The following PALLD variants were observed in gnomAD, a reference collection of about 807,000 sequenced individuals.
The protein encoded by PALLD is palladin, cytoskeletal associated protein.
A neutral mutation model predicts 123.5 loss-of-function variants in PALLD; 61 were observed. The observed-to-expected ratio is 0.49, with a 90% confidence interval of 0.40 to 0.61. The LOEUF (loss-of-function observed/expected upper bound fraction) is 0.61. Among genes scored for constraint, PALLD ranks in the 20% least tolerant of loss-of-function variants. The pLI is 0.00. For missense variants in PALLD, 1,273 were observed against 1,377.0 expected, an observed-to-expected ratio of 0.92 and a Z score of 1.20; for synonymous variants, 465 against 496.4, an observed-to-expected ratio of 0.94 and a Z score of 0.84.
At chr4:168,502,337 C>T (rs907330975) in intron 1 of PALLD, among the ~76,000 whole-genome samples, 1 of 152,120 alleles carries the variant, frequency 6.6e-6, no homozygotes, top group African/African-American at 2.4e-5. Context: ...CAAATTTTTT[C>T]ATGAGAAACT....
chr4:168,536,684 A>G (rs946098432), intron 2 of PALLD: 3 of 152,192 alleles, frequency 2.0e-5, no homozygotes, highest in Admixed American at 1.3e-4. Context: ...CACTATCACG[A>G]GACCAGCATG....
intron 8 of PALLD, among the ~76,000 whole-genome samples, chr4:168,693,353 A>G (rs938871993): frequency 6.6e-6 from 1 of 152,202 alleles, no homozygotes; most frequent in African/African-American, 2.4e-5. Context: ...CTTCTAAACT[A>G]TAGTTTTGAT....
intron 2 of PALLD, among the ~76,000 whole-genome samples, chr4:168,598,085 A>AT (rs1317620094): frequency 1.3e-5 from 2 of 152,104 alleles, no homozygotes; most frequent in Non-Finnish European, 2.9e-5. Flanking sequence ...TTCAGAGTGA[A>AT]TTTTTTTAAC....
chr4:168,502,179 T>A (rs974860405), intron 1 of PALLD, among the ~76,000 whole-genome samples: 1 of 134,534 alleles, frequency 7.4e-6, no homozygotes, highest in Non-Finnish European at 1.5e-5. Flanking sequence ...GCAAAATAAA[T>A]TTTTTTTTTA....
rs747755592 is a variant in PALLD, at chr4:168,746,380, C to CAAAAAAAAAAAAA, written c.1964+34475_1964+34487dup. Among the ~76,000 whole-genome samples, 127 of 37,008 alleles carry CAAAAAAAAAAAAA rather than the reference C, an allele frequency of 3.4e-3. 18 individuals are homozygous for CAAAAAAAAAAAAA. The highest frequency in any genetic ancestry group is 5.0e-3 in the African/African-American group (65 of 12,922). 24.3% of individuals were successfully genotyped at this position (37,008 alleles called of 152,430 possible). A position where few individuals can be genotyped will look rare whatever the true frequency, so the allele number is the denominator to read the frequency against. Reference sequence around the variant, plus strand: ...TGGGCGACAGAGCGAGAACCCGTCTCAAAAAAAAAAAAAAAAAAAAAAAAA... The same window carrying CAAAAAAAAAAAAA: ...TGGGCGACAGAGCGAGAACCCGTCTCAAAAAAAAAAAAAAAAAAAAAAAAAAAAAAAAAAAAAA... On this transcript the variant is annotated intron_variant, in intron 10 of 21. Coordinates refer to ENST00000505667, the MANE Select transcript of PALLD (RefSeq NM_001166108.2).
chr4:168,659,336 A>G (rs774020978), intron 2 of PALLD, among the ~76,000 whole-genome samples: 19 of 152,158 alleles, frequency 1.2e-4, no homozygotes, highest in Non-Finnish European at 2.1e-4. Flanking sequence ...CTTTATTTTC[A>G]TTATTATACC....
chr4:168,891,676 T>C (rs1560867051), intron 11 of PALLD, among the ~76,000 whole-genome samples: 1 of 100,894 alleles, frequency 9.9e-6, no homozygotes, highest in Non-Finnish European at 2.3e-5. Context: ...GCAATGCCAA[T>C]GGTATTAAAA....
intron 10 of PALLD, among the ~76,000 whole-genome samples, chr4:168,797,844 T>C (rs759167997): frequency 2.3e-4 from 32 of 140,690 alleles, no homozygotes; most frequent in Non-Finnish European, 3.9e-4. Flanking sequence ...CCCACCACCA[T>C]ACAGCTGCTC....
At chr4:168,665,288 A>C (rs1317361795) in intron 2 of PALLD, among the ~76,000 whole-genome samples, 3 of 152,128 alleles carry the variant, frequency 2.0e-5, no homozygotes, top group African/African-American at 7.2e-5. Flanking sequence ...TTGGAATGTA[A>C]GTTTTTCCAG....
chr4:168,664,239 T>A (rs886315233), intron 2 of PALLD, among the ~76,000 whole-genome samples: 5 of 151,584 alleles, frequency 3.3e-5, no homozygotes, highest in African/African-American at 1.2e-4. Flanking sequence ...ATTTGTACTT[T>A]AAAAAAATAA....
intron 2 of PALLD, chr4:168,598,791 GGA>G: frequency 3.0e-6 from 1 of 329,616 alleles, no homozygotes; most frequent in Non-Finnish European, 6.2e-6. Context: ...TCCAAAGCAG[GGA>G]GGGTCCTCCA....
chr4:168,657,055 T>C (rs1321015037), intron 2 of PALLD, among the ~76,000 whole-genome samples: 1 of 152,154 alleles, frequency 6.6e-6, no homozygotes, highest in Non-Finnish European at 1.5e-5. Context: ...GTATGCTAGG[T>C]ATTAAATGTC....
At chr4:168,741,530 A>C (rs1788337714) in intron 10 of PALLD, among the ~76,000 whole-genome samples, 1 of 152,194 alleles carries the variant, frequency 6.6e-6, no homozygotes, top group Non-Finnish European at 1.5e-5. Context: ...TTTAAAAAAA[A>C]ATAAAAGTAG....
rs557594901 is a variant in PALLD, at chr4:168,747,835, G to T, written c.1964+35912G>T. 3.3e-5 allele frequency among the ~76,000 whole-genome samples: 5 copies of T among 152,258 alleles called. No homozygotes were observed. The East Asian group carries it at 9.7e-4, about 29-fold the overall frequency. On this transcript the variant is annotated intron_variant, in intron 10 of 21. Transcript: ENST00000505667. ...ATATCTTCAAGAATTCCAACATTTT[G>T]AGCAATTGTAACTCCCAGAATAATT...
chr4:168,923,155 T>C (rs1761920201), intron 18 of PALLD, among the ~76,000 whole-genome samples: 1 of 152,258 alleles, frequency 6.6e-6, no homozygotes, highest in East Asian at 1.9e-4. Flanking sequence ...ATACATTTTA[T>C]GTTCTTTGCA....
At chr4:168,520,452 G>A (rs1253020361) in intron 2 of PALLD, among the ~76,000 whole-genome samples, 3 of 151,774 alleles carry the variant, frequency 2.0e-5, no homozygotes, top group East Asian at 1.9e-4. Context: ...AAAGGCATGC[G>A]ACGCATTGAG....
intron 2 of PALLD, among the ~76,000 whole-genome samples, chr4:168,639,982 A>G (rs1305013229): frequency 2.6e-5 from 4 of 152,050 alleles, no homozygotes; most frequent in Non-Finnish European, 5.9e-5. Flanking sequence ...CTTTATTTCT[A>G]TCTGTTGAAC....
intron 2 of PALLD, among the ~76,000 whole-genome samples, chr4:168,526,982 T>C (rs913089612): frequency 6.6e-6 from 1 of 152,186 alleles, no homozygotes; most frequent in Non-Finnish European, 1.5e-5. Context: ...TAAACATCCA[T>C]ATCCCAAATG....
At chr4:168,878,386 C>CACCCCCGCGTGAGTA in intron 10 of PALLD, 1 of 1,495,832 alleles carries the variant, frequency 6.7e-7, no homozygotes, top group Non-Finnish European at 8.9e-7. Context: ...CCAAGGGTGT[C>CACCCCCGCGTGAGTA]ACCCCCGCGT....
Sources: allele counts gnomAD v4.1 joint callset (sites outside exome capture counted in the v4.1 genomes callset), GRCh38; gene constraint gnomAD v4.1.1; transcripts MANE v1.5; gene names NCBI Gene and HGNC (gene_info 2026-07-23, HGNC 2026-07-21).